The following B3GLCT variants were observed in gnomAD, a reference collection of about 807,000 sequenced individuals.
B3GLCT encodes the protein beta 3-glucosyltransferase.
Under a neutral mutation model 63.4 loss-of-function variants are expected in B3GLCT, and 65 were observed. That is an observed-to-expected ratio of 1.03 (90% confidence interval 0.84 to 1.26). The LOEUF (loss-of-function observed/expected upper bound fraction) is 1.26, where lower values mean the gene tolerates loss of function less well. Among genes scored for constraint, B3GLCT ranks in the 50% most tolerant of loss-of-function variants. B3GLCT has a pLI of 0.00. For missense variants in B3GLCT, 577 were observed against 604.8 expected (o/e 0.95, Z 0.48); for synonymous variants, 233 against 219.2 (o/e 1.06, Z -0.55).
intron 1 of B3GLCT, among the ~76,000 whole-genome samples, chr13:31,212,313 C>T (rs1172169548): frequency 5.0e-5 from 7 of 139,834 alleles, no homozygotes; most frequent in African/African-American, 1.4e-4. Flanking sequence ...CTTGCTCTGT[C>T]GCCCAGGCTG....
chr13:31,261,045 G>A lies in B3GLCT; in HGVS notation c.559G>A (p.Ala187Thr), dbSNP rs926478019. ...NPTVFKYPDFAAGWALSIPLV... is the reference protein window; with the variant it reads ...NPTVFKYPDFTAGWALSIPLV... ...TACAGTTTTTAAGTATCCAGACTTT[G>A]CTGCAGGCTGGGCCTTAAGTATTCC... The change falls in exon 7 of 15, where the codon GCT becomes ACT. Residue 187 changes from alanine to threonine, a missense_variant. Physicochemically the swap from Ala to Thr is moderately conservative, Grantham distance 58. Transcript: ENST00000343307. 1.2e-6 allele frequency: 2 copies of A among 1,613,736 alleles called. No individual in the cohort carries two copies. Among genetic ancestry groups the A allele is most frequent in the Non-Finnish European group, 8.5e-7 (1 of 1,179,962 alleles).
chr13:31,309,288 C>T (rs977199930), intron 12 of B3GLCT, among the ~76,000 whole-genome samples: 4 of 152,196 alleles, frequency 2.6e-5, no homozygotes, highest in Admixed American at 1.3e-4. Context: ...TATACCACAA[C>T]AATCAATGAG....
chr13:31,215,132 C>A lies in B3GLCT; in HGVS notation c.120+32C>A. ...ATCCCAATGATCAAATCTTTTCCTC[C>A]CTTCTAAGATTCATTTGTATTTTCT... On this transcript the variant is annotated intron_variant, in intron 2 of 14. Coordinates refer to ENST00000343307, the MANE Select transcript of B3GLCT (RefSeq NM_194318.4). The A allele has an allele frequency of 2.5e-6, 4 of 1,582,206 alleles. No homozygotes were observed. In the South Asian group the frequency reaches 3.3e-5, roughly 13 times the overall value.
chr13:31,308,347 T>TAAAAAAAA lies in B3GLCT; in HGVS notation c.1065-9213_1065-9206dup, dbSNP rs1169835730. 4.3e-3 allele frequency among the ~76,000 whole-genome samples: 102 copies of TAAAAAAAA among 23,672 alleles called. 2 individuals are homozygous for TAAAAAAAA. Among genetic ancestry groups the TAAAAAAAA allele is most frequent in the African/African-American group, 5.2e-3 (59 of 11,242 alleles). 15.5% of individuals were successfully genotyped at this position (23,672 alleles called of 152,430 possible). On this transcript the variant is annotated intron_variant, in intron 12 of 14. Transcript: ENST00000343307. Reference sequence around the variant, plus strand: ...TAGAGTATAATAAAAAAAAAAAAATTAAAAAAAAAAAAACAAAAAAAAAAG... The same window carrying TAAAAAAAA: ...TAGAGTATAATAAAAAAAAAAAAATTAAAAAAAAAAAAAAAAAAAAACAAAAAAAAAAG...
intron 7 of B3GLCT, among the ~76,000 whole-genome samples, chr13:31,261,591 T>C (rs1235794188): frequency 6.6e-6 from 1 of 152,244 alleles, no homozygotes; most frequent in Non-Finnish European, 1.5e-5. Context: ...ATATTCACAA[T>C]GGTGCTCTGT....
intron 1 of B3GLCT, among the ~76,000 whole-genome samples, chr13:31,205,589 A>C (rs552356410): frequency 1.3e-5 from 2 of 152,102 alleles, no homozygotes; most frequent in East Asian, 1.9e-4. Flanking sequence ...GGGTCTGGCT[A>C]TATTGCCCAG....
At chr13:31,256,652 C>T (rs948609023) in intron 6 of B3GLCT, among the ~76,000 whole-genome samples, 1 of 152,166 alleles carries the variant, frequency 6.6e-6, no homozygotes, top group African/African-American at 2.4e-5. Flanking sequence ...AGCCATCATT[C>T]TCAGCAAACT....
intron 6 of B3GLCT, among the ~76,000 whole-genome samples, chr13:31,260,195 C>T (rs753500717): frequency 1.1e-4 from 17 of 152,182 alleles, no homozygotes; most frequent in African/African-American, 2.4e-4. Flanking sequence ...AGTCCTTTGA[C>T]GGCTCTTCCT....
rs747849581 is a variant in B3GLCT at position 31,317,578 on chromosome 13, C to G, written c.1077C>G (p.Leu359=). The change falls in exon 13 of 15, where the codon CTC becomes CTG. Residue 359 remains leucine, a synonymous_variant. Transcript: ENST00000343307. ...DDDTLISISR[L]QHLLSCYDSG... ...TTTGGCATCTCAGTATCTCCAGGCT[C>G]CAGCACTTGCTTAGCTGTTATGACT... 6.2e-7 allele frequency: 1 copy of G among 1,614,044 alleles called. No homozygotes were observed. The highest frequency in any genetic ancestry group is 8.5e-7 in the Non-Finnish European group (1 of 1,179,958).
At chr13:31,269,312 A>T in intron 8 of B3GLCT, 35 bp downstream of exon 8, 2 of 1,476,940 alleles carry the variant, frequency 1.4e-6, no homozygotes, top group Non-Finnish European at 1.9e-6. Context: ...AAATCTTACT[A>T]ATCAAGAATT....
In B3GLCT at chr13:31,249,669, A is replaced by T. The variant is rs548380955; in HGVS notation, c.459+1703A>T. Among the ~76,000 whole-genome samples the T allele has an allele frequency of 5.3e-5, 8 of 152,348 alleles. No homozygotes were observed. The East Asian group carries it at 1.5e-3, about 29-fold the overall frequency. On this transcript the variant is annotated intron_variant, in intron 6 of 14. Transcript: ENST00000343307. Reference sequence around the variant, plus strand: ...GCAAGTTCATGAAAAGCAAGTACAGAACAGAGGTAAAAGGAGATGTTTTCT... The same window carrying T: ...GCAAGTTCATGAAAAGCAAGTACAGTACAGAGGTAAAAGGAGATGTTTTCT...
chr13:31,220,611 CAG>C (rs1172811466), intron 2 of B3GLCT, among the ~76,000 whole-genome samples: 2 of 152,212 alleles, frequency 1.3e-5, no homozygotes, highest in Non-Finnish European at 2.9e-5. Context: ...TTCTTTCTCA[CAG>C]GGGAAATTAG....
At chr13:31,320,132 C>T (rs1035925920) in intron 13 of B3GLCT, among the ~76,000 whole-genome samples, 9 of 152,214 alleles carry the variant, frequency 5.9e-5, no homozygotes, top group Non-Finnish European at 1.2e-4. Flanking sequence ...ACACTGTAGT[C>T]AAAGGGACCT....
chr13:31,207,066 C>A (rs1222664837), intron 1 of B3GLCT, among the ~76,000 whole-genome samples: 1 of 152,074 alleles, frequency 6.6e-6, no homozygotes, highest in Non-Finnish European at 1.5e-5. Context: ...TTGTGTGTAC[C>A]ATGGATTGAG....
intron 9 of B3GLCT, among the ~76,000 whole-genome samples, chr13:31,274,991 A>G (rs1314375603): frequency 6.6e-6 from 1 of 152,190 alleles, no homozygotes; most frequent in South Asian, 2.1e-4. Flanking sequence ...ACGTAGGATA[A>G]TGGCCCCCAG....
chr13:31,270,420 G>GA (rs1334155718), intron 8 of B3GLCT, among the ~76,000 whole-genome samples: 1 of 152,068 alleles, frequency 6.6e-6, no homozygotes, highest in Non-Finnish European at 1.5e-5. Flanking sequence ...CCACAAAGAT[G>GA]AAAAAAATGG....
At chr13:31,293,664 C>T (rs1438141895) in intron 12 of B3GLCT, among the ~76,000 whole-genome samples, 1 of 152,102 alleles carries the variant, frequency 6.6e-6, no homozygotes, top group Non-Finnish European at 1.5e-5. Flanking sequence ...CTTGATAAAT[C>T]TTCCTCCATT....
Position 31,317,576 on chromosome 13 carries a change from C to T in B3GLCT, c.1075C>T (p.Leu359Phe). The change falls in exon 13 of 15, where the codon CTC becomes TTC. Residue 359 changes from leucine (L) to phenylalanine (F), a missense_variant. By Grantham distance (22) the Leu-to-Phe change is conservative. Transcript: ENST00000343307. ...DDDTLISISR[L>F]QHLLSCYDSG... ...CCTTTGGCATCTCAGTATCTCCAGG[C>T]TCCAGCACTTGCTTAGCTGTTATGA... The T allele has an allele frequency of 6.2e-7, 1 of 1,614,022 alleles. No individual in the cohort carries two copies.
At chr13:31,223,799 C>T (rs1272597153) in intron 3 of B3GLCT, among the ~76,000 whole-genome samples, 2 of 152,076 alleles carry the variant, frequency 1.3e-5, no homozygotes, top group African/African-American at 4.8e-5. Flanking sequence ...AGCAGTGGAA[C>T]CTCACAGGAA....
Sources: allele counts gnomAD v4.1 joint callset (sites outside exome capture counted in the v4.1 genomes callset), GRCh38; gene constraint gnomAD v4.1.1; transcripts MANE v1.5; gene names NCBI Gene and HGNC (gene_info 2026-07-23, HGNC 2026-07-21).